ANKRD28: variants seen among roughly 807,000 people sequenced by gnomAD.
ANKRD28 encodes ankyrin repeat domain 28.
Under a neutral mutation model 126.5 loss-of-function variants are expected in ANKRD28, and 44 were observed. The observed-to-expected ratio is 0.35, with a 90% CI of 0.27 to 0.45. ANKRD28 has a LOEUF of 0.45. Ranked by LOEUF, ANKRD28 falls within the 20% of genes least tolerant of loss-of-function variation. The pLI is 1.00. For synonymous variants in ANKRD28, 442 were observed against 468.5 expected, an observed-to-expected ratio of 0.94 and a Z score of 0.73; for missense variants, 1,110 against 1,316.6, an observed-to-expected ratio of 0.84 and a Z score of 2.43.
chr3:15,707,595 A>T (rs1288028937), intron 14 of ANKRD28, among the ~76,000 whole-genome samples: 3 of 152,122 alleles, frequency 2.0e-5, no homozygotes, highest in African/African-American at 7.2e-5. Flanking sequence ...CCCTTTCCCC[A>T]TGATATAGTC....
At chr3:15,782,138 A>G (rs1411154717) in intron 2 of ANKRD28, among the ~76,000 whole-genome samples, 1 of 152,104 alleles carries the variant, frequency 6.6e-6, no homozygotes. Flanking sequence ...ATATACCTAC[A>G]TACCCACAAA....
At chr3:15,690,313 ATAT>A (rs1386843585) in intron 17 of ANKRD28, 93 bp from the exon 18 acceptor site, 2 of 1,049,080 alleles carry the variant, frequency 1.9e-6, no homozygotes, top group Non-Finnish European at 2.7e-6. Flanking sequence ...ACTTGTCTTC[ATAT>A]TATTATCCTA....
chr3:15,806,650 T>C (rs1313413771), intron 1 of ANKRD28, among the ~76,000 whole-genome samples: 2 of 152,002 alleles, frequency 1.3e-5, no homozygotes, highest in Non-Finnish European at 2.9e-5. Flanking sequence ...GCCTCCCGAG[T>C]AGCTGGGATT....
intron 18 of ANKRD28, chr3:15,686,543 C>A: frequency 1.9e-6 from 1 of 525,856 alleles, no homozygotes; most frequent in Non-Finnish European, 3.4e-6. Context: ...ACCCAGCACC[C>A]ATGCCCTATC....
chr3:15,730,613 C>T (rs1397082684), intron 6 of ANKRD28, among the ~76,000 whole-genome samples: 1 of 152,160 alleles, frequency 6.6e-6, no homozygotes, highest in Non-Finnish European at 1.5e-5. Flanking sequence ...CAGTCAATAG[C>T]TTCTTACTTT....
chr3:15,754,625 T>C (rs1240911528), intron 3 of ANKRD28, among the ~76,000 whole-genome samples: 3 of 152,240 alleles, frequency 2.0e-5, no homozygotes, highest in South Asian at 2.1e-4. Context: ...AGGCATCTAC[T>C]TGGGGGTCTT....
rs756289461 is a variant in ANKRD28, at chr3:15,766,327, A to C, written c.202-15T>G. 1 of 1,590,818 alleles carries C rather than the reference A, an allele frequency of 6.3e-7. No homozygotes were observed. Among genetic ancestry groups the C allele is most frequent in the Non-Finnish European group, 8.6e-7 (1 of 1,162,782 alleles). The stretch of plus-strand genomic sequence containing the variant: ...TTTTCATTGTCCTGTGATAATAAGG[A>C]AAGGTGGGAAATAAGTTTTAAAATA... On this transcript the variant is annotated splice_polypyrimidine_tract_variant and intron_variant, in intron 2 of 27. Coordinates refer to ENST00000683139, the MANE Select transcript of ANKRD28 (RefSeq NM_001349278.2).
At chr3:15,735,069 A>C (rs1438890904) in intron 6 of ANKRD28, among the ~76,000 whole-genome samples, 1 of 152,222 alleles carries the variant, frequency 6.6e-6, no homozygotes, top group East Asian at 1.9e-4. Flanking sequence ...TTCTTAATGC[A>C]TCTTTGTTAC....
Position 15,854,626 on chromosome 3 carries a change from T to C in ANKRD28, c.27+4751A>G, listed in dbSNP as rs907700693. Among the ~76,000 whole-genome samples the C allele has an allele frequency of 6.6e-6, 1 of 152,222 alleles. No individual in the cohort carries two copies. Among genetic ancestry groups the C allele is most frequent in the Non-Finnish European group, 1.5e-5 (1 of 68,036 alleles). ...GCTCCACATGTTTTCCTTCAGCCTC[T>C]ATAAGTCTCTTCATGTGATGTATCT... On this transcript the variant is annotated intron_variant, in intron 1 of 27. Coordinates refer to the ANKRD28 transcript ENST00000399451. The surrounding 1 kb of genome is among the most constrained non-coding windows in gnomAD (Gnocchi z 4.1).
Position 15,745,196 on chromosome 3 carries a change from T to C in ANKRD28, c.351+6554A>G, listed in dbSNP as rs112345143. Among the ~76,000 whole-genome samples, 700 of 152,352 alleles carry C rather than the reference T, an allele frequency of 4.6e-3. 1 individual carries two copies. The highest frequency in any genetic ancestry group is 8.3e-3 in the South Asian group (40 of 4,832). The stretch of plus-strand genomic sequence containing the variant: ...CTACTCTGTGAGTTGTTAATGCTGC[T>C]GATTGTTTTCTTTTGCTGTGCAGAA... On this transcript the variant is annotated intron_variant, in intron 4 of 27. Coordinates refer to ENST00000683139, the MANE Select transcript of ANKRD28 (RefSeq NM_001349278.2).
chr3:15,765,876 A>C (rs1039486694), intron 3 of ANKRD28, among the ~76,000 whole-genome samples: 2 of 151,242 alleles, frequency 1.3e-5, no homozygotes, highest in Non-Finnish European at 2.9e-5. Context: ...CAACCAAAAA[A>C]ACCCGCTACA....
chr3:15,697,133 G>A (rs1256288359), intron 14 of ANKRD28, among the ~76,000 whole-genome samples: 4 of 152,128 alleles, frequency 2.6e-5, no homozygotes. Context: ...CAAAATAATA[G>A]CATTTGCAGC....
chr3:15,752,501 A>G (rs1322139019), intron 3 of ANKRD28, among the ~76,000 whole-genome samples: 1 of 152,232 alleles, frequency 6.6e-6, no homozygotes, highest in Non-Finnish European at 1.5e-5. Context: ...AAAAATTTAC[A>G]TTATTCGAGG....
chr3:15,783,535 A>G (rs1221996663), intron 2 of ANKRD28, among the ~76,000 whole-genome samples: 7 of 151,992 alleles, frequency 4.6e-5, no homozygotes, highest in African/African-American at 1.7e-4. Context: ...AGAAAAAAAA[A>G]GCACACATTC....
rs956236733 is a variant in ANKRD28, at chr3:15,846,182, A to C, written c.27+13195T>G. ...ACAAGGCAAGTCTCTTCCATCTACG[A>C]GTCTGTAAAATAAAAAACAAGTTAG... On this transcript the variant is annotated intron_variant, in intron 1 of 27. Transcript: ENST00000399451. This position sits in a 1 kb window ranked among gnomAD's most constrained non-coding sequence, Gnocchi z 5.4. Among the ~76,000 whole-genome samples, 27 of 152,180 alleles carry C rather than the reference A, an allele frequency of 1.8e-4. No individual in the cohort carries two copies. Among genetic ancestry groups the C allele is most frequent in the African/African-American group, 5.1e-4 (21 of 41,446 alleles).
chr3:15,801,952 G>A (rs1300306907), upstream of ANKRD28, among the ~76,000 whole-genome samples: 1 of 152,148 alleles, frequency 6.6e-6, no homozygotes, highest in Non-Finnish European at 1.5e-5. This position sits in a 1 kb window ranked among gnomAD's most constrained non-coding sequence, Gnocchi z 4.9. Flanking sequence ...ATAATAAATT[G>A]TTAACCCTTC....
intron 1 of ANKRD28, among the ~76,000 whole-genome samples, chr3:15,848,520 A>T (rs1435157259): frequency 1.3e-5 from 2 of 152,016 alleles, no homozygotes; most frequent in Non-Finnish European, 2.9e-5. Context: ...CAAAAAAATT[A>T]AAAAATTAGC....
intron 1 of ANKRD28, among the ~76,000 whole-genome samples, chr3:15,858,419 G>A (rs2061820957): frequency 6.6e-6 from 1 of 152,264 alleles, no homozygotes; most frequent in Non-Finnish European, 1.5e-5. Context: ...CAGAATTTAA[G>A]GTGCAATCTT....
intron 1 of ANKRD28, among the ~76,000 whole-genome samples, chr3:15,850,204 A>AATATATATATATATAT (rs1226795631): frequency 5.5e-4 from 30 of 54,818 alleles, no homozygotes; most frequent in Non-Finnish European, 8.1e-4. Flanking sequence ...AAAAAAAAAA[A>AATATATATATATATAT]ATATATATAT....
Sources: allele counts gnomAD v4.1 joint callset (sites outside exome capture counted in the v4.1 genomes callset), GRCh38; gene constraint gnomAD v4.1.1; non-coding constraint Gnocchi (gnomAD v3.1); transcripts MANE v1.5; gene names NCBI Gene and HGNC (gene_info 2026-07-23, HGNC 2026-07-21).